Variants in IGF1R observed in about 807,000 individuals in gnomAD.
IGF1R encodes the protein insulin like growth factor 1 receptor.
A neutral mutation model predicts 144.6 loss-of-function variants in IGF1R; 44 were observed. That is an observed-to-expected ratio of 0.30 (90% CI 0.24 to 0.39). The LOEUF (loss-of-function observed/expected upper bound fraction) is 0.39, where lower values mean the gene tolerates loss of function less well. IGF1R is among the 10% of genes least tolerant of loss of function. The pLI is 1.00. For synonymous variants in IGF1R, 795 were observed against 722.8 expected (o/e 1.10, Z -1.60); for missense variants, 1,355 against 1,833.7 (o/e 0.74, Z 4.77).
chr15:98,911,671 T>C (rs1263870366), intron 7 of IGF1R, among the ~76,000 whole-genome samples: 1 of 152,162 alleles, frequency 6.6e-6, no homozygotes, highest in Non-Finnish European at 1.5e-5. Context: ...TCGAGGCCTG[T>C]CATTCTTTAG....
At chr15:98,953,630 A>G (rs12437963) in intron 20 of IGF1R, among the ~76,000 whole-genome samples, 25,185 of 152,070 alleles carry the variant, frequency 0.17, 2,299 homozygotes, top group East Asian at 0.36. Context: ...TTGGGCCAGG[A>G]AGCCATTTGT....
At chr15:98,889,255 A>G (rs1243842889) in intron 2 of IGF1R, among the ~76,000 whole-genome samples, 1 of 152,244 alleles carries the variant, frequency 6.6e-6, no homozygotes, top group Non-Finnish European at 1.5e-5. Flanking sequence ...GCTTGACAGT[A>G]TCATGACAGT....
chr15:98,850,338 G>T (rs1280421329), intron 2 of IGF1R, among the ~76,000 whole-genome samples: 1 of 152,216 alleles, frequency 6.6e-6, no homozygotes. Flanking sequence ...GGCTGAGAGA[G>T]CAGAGAAGGA....
intron 1 of IGF1R, among the ~76,000 whole-genome samples, chr15:98,665,235 G>A (rs1407307192): frequency 6.6e-6 from 1 of 152,196 alleles, no homozygotes; most frequent in African/African-American, 2.4e-5. Context: ...AAAGGCGTGA[G>A]CCACCGCGCC....
intron 6 of IGF1R, 68 bp downstream of exon 6, chr15:98,908,967 G>A: frequency 7.1e-7 from 1 of 1,410,322 alleles, no homozygotes; most frequent in Non-Finnish European, 9.9e-7. Context: ...CCTCCCATGT[G>A]TGATGGCAGC....
intron 2 of IGF1R, among the ~76,000 whole-genome samples, chr15:98,869,900 C>T (rs764087305): frequency 6.6e-6 from 1 of 152,184 alleles, no homozygotes; most frequent in Non-Finnish European, 1.5e-5. Flanking sequence ...GTGTAAGGCT[C>T]TCTGGGAGGA....
chr15:98,701,953 A>AG (rs146494882), intron 1 of IGF1R, among the ~76,000 whole-genome samples: 7,857 of 151,686 alleles, frequency 0.052, 270 homozygotes, highest in Middle Eastern at 0.13. Context: ...CAGGTGAGGA[A>AG]GATGGGGTTT....
chr15:98,925,058 C>G (rs1458716841), intron 13 of IGF1R, among the ~76,000 whole-genome samples: 1 of 151,682 alleles, frequency 6.6e-6, no homozygotes, highest in East Asian at 1.9e-4. Context: ...CCACCTCCTA[C>G]TTGGTCAGTA....
chr15:98,727,759 C>T (rs1275711172), intron 2 of IGF1R, among the ~76,000 whole-genome samples: 4 of 152,272 alleles, frequency 2.6e-5, no homozygotes, highest in South Asian at 4.1e-4. Flanking sequence ...GTCCAGCACC[C>T]GCTGGGATTC....
Position 98,959,082 on chromosome 15 carries a change from G to C in IGF1R, c.*1640G>C, listed in dbSNP as rs529909257. 4.3e-6 allele frequency: 1 copy of C among 233,234 alleles called. No homozygotes were observed. Among genetic ancestry groups the C allele is most frequent in the African/African-American group, 2.2e-5 (1 of 45,446 alleles). The allele number at this position is 233,234 out of a possible 1,614,324, so 14.4% of individuals were successfully genotyped here. A position where few individuals can be genotyped will look rare whatever the true frequency, so the allele number is the denominator to read the frequency against. ...AGTGCAAGACATGATACAAACTCAG[G>C]TCAGAAAAACAAAGGTTAAATATTT... On this transcript the variant is annotated 3_prime_UTR_variant, in exon 21 of 21. Transcript: ENST00000650285.
Position 98,922,225 on chromosome 15 carries a change from C to T in IGF1R, c.2279C>T (p.Ala760Val), listed in dbSNP as rs1285343143. The change falls in exon 11 of 21, where the codon GCA becomes GTA. Residue 760 changes from alanine (A) to valine (V), a missense_variant. Physicochemically the swap from Ala to Val is moderately conservative, Grantham distance 64. Around this residue, in one of 7 missense-constraint regions of IGF1R, gnomAD observed 880 missense variants for 1,202.7 expected, o/e 0.73. Transcript: ENST00000650285. ...AGCCGAAGCAGGAACACCACGGCCG[C>T]AGACACCTACAACATCACCGACCCG... ...MSSRSRNTTAADTYNITDPEE... is the reference protein window; with the variant it reads ...MSSRSRNTTAVDTYNITDPEE... 2 of 1,614,098 alleles carry T rather than the reference C, an allele frequency of 1.2e-6. No homozygotes were observed. The highest frequency in any genetic ancestry group is 2.7e-5 in the African/African-American group (2 of 74,924).
At chr15:98,706,618 T>C (rs74032536) in intron 1 of IGF1R, among the ~76,000 whole-genome samples, 1,528 of 152,060 alleles carry the variant, frequency 0.01, 25 homozygotes, top group African/African-American at 0.035. Context: ...TCATGGTGTG[T>C]ATTAATACTC....
intron 2 of IGF1R, among the ~76,000 whole-genome samples, chr15:98,748,746 G>T (rs1319028453): frequency 6.6e-6 from 1 of 152,218 alleles, no homozygotes; most frequent in Admixed American, 6.5e-5. Flanking sequence ...TAAGTAGTTA[G>T]TCCATTGGCA....
At chr15:98,914,527 C>T (rs762317716) in intron 8 of IGF1R, among the ~76,000 whole-genome samples, 94 of 152,162 alleles carry the variant, frequency 6.2e-4, no homozygotes, top group Non-Finnish European at 1.2e-3. Context: ...CTTATTGAAA[C>T]AAAATTGGCA....
chr15:98,691,831 A>G (rs1333273016), intron 1 of IGF1R, among the ~76,000 whole-genome samples: 1 of 152,172 alleles, frequency 6.6e-6, no homozygotes, highest in Non-Finnish European at 1.5e-5. Context: ...TATTTGCCCC[A>G]CTGACATGAG....
intron 2 of IGF1R, among the ~76,000 whole-genome samples, chr15:98,758,472 A>G (rs2055212588): frequency 6.6e-6 from 1 of 152,200 alleles, no homozygotes; most frequent in Non-Finnish European, 1.5e-5. Context: ...ATGGCAGACC[A>G]GCAGATGGTA....
chr15:98,817,401 T>C (rs1300993312), intron 2 of IGF1R, among the ~76,000 whole-genome samples: 1 of 152,018 alleles, frequency 6.6e-6, no homozygotes, highest in African/African-American at 2.4e-5. Context: ...AAGCTAGTGA[T>C]GAGCATCTAA....
At chr15:98,948,389 T>C (rs560569356) in intron 19 of IGF1R, among the ~76,000 whole-genome samples, 185 bp from the exon 20 acceptor site, 3 of 152,242 alleles carry the variant, frequency 2.0e-5, no homozygotes, top group East Asian at 1.9e-4. Context: ...CGGGGAACAT[T>C]AGCAGCAACA....
At chr15:98,741,264 T>G (rs1596255975) in intron 2 of IGF1R, among the ~76,000 whole-genome samples, 1 of 139,296 alleles carries the variant, frequency 7.2e-6, no homozygotes, top group Non-Finnish European at 1.5e-5. Context: ...TTTTTTTTGG[T>G]AACAAGATAC....
Sources: gnomAD v4.1 joint callset for allele counts (sites outside exome capture counted in the v4.1 genomes callset) on GRCh38, gnomAD v4.1.1 for gene constraint, gnomAD v4.1.1 regional missense constraint, MANE v1.5 for transcripts, NCBI Gene and HGNC (gene_info 2026-07-23, HGNC 2026-07-21) for gene names.